The following PRKCQ variants were observed in gnomAD, a reference collection of about 807,000 sequenced individuals.
PRKCQ encodes the protein protein kinase C theta type.
A neutral mutation model predicts 91.2 loss-of-function variants in PRKCQ; 41 were observed. The ratio of observed to expected loss-of-function variants is 0.45; its 90% CI spans 0.35 to 0.58. PRKCQ has a LOEUF of 0.58. Among genes scored for constraint, PRKCQ ranks in the 20% least tolerant of loss-of-function variants. PRKCQ has a pLI of 0.00. For missense variants in PRKCQ, 673 were observed against 896.5 expected, an observed-to-expected ratio of 0.75 and a Z score of 3.18; for synonymous variants, 307 against 316.9, an observed-to-expected ratio of 0.97 and a Z score of 0.33.
At chr10:6,450,195 T>G (rs1377781950) in intron 15 of PRKCQ, among the ~76,000 whole-genome samples, 1 of 150,058 alleles carries the variant, frequency 6.7e-6, no homozygotes, top group African/African-American at 2.5e-5. Flanking sequence ...ACCCATCTCA[T>G]GTGCAGAGAC....
intron 5 of PRKCQ, 112 bp downstream of exon 5, chr10:6,498,284 T>C: frequency 7.4e-7 from 1 of 1,354,080 alleles, no homozygotes; most frequent in Non-Finnish European, 1.0e-6. Context: ...AACGCTGAGG[T>C]AGCATTTACT....
intron 2 of PRKCQ, among the ~76,000 whole-genome samples, chr10:6,512,589 A>G (rs141501595): frequency 3.6e-4 from 55 of 152,358 alleles, no homozygotes; most frequent in African/African-American, 1.3e-3. Context: ...ACATAAGCAC[A>G]TTAAGTGGCA....
intron 15 of PRKCQ, 135 bp from the exon 16 acceptor site, chr10:6,442,216 C>T: frequency 2.3e-6 from 2 of 859,514 alleles, no homozygotes; most frequent in Non-Finnish European, 3.4e-6. Context: ...TGAAACCCAT[C>T]TCTTGGGAAG....
chr10:6,506,626 A>G (rs1838216231), intron 4 of PRKCQ, among the ~76,000 whole-genome samples: 1 of 152,222 alleles, frequency 6.6e-6, no homozygotes, highest in African/African-American at 2.4e-5. Context: ...ATTATTTCAT[A>G]ATATTGTTTT....
At chr10:6,478,704 G>A (rs1836408051) in intron 12 of PRKCQ, among the ~76,000 whole-genome samples, 1 of 152,156 alleles carries the variant, frequency 6.6e-6, no homozygotes, top group Non-Finnish European at 1.5e-5. Flanking sequence ...CCTAAGTCAC[G>A]GACTGCTGAG....
intron 1 of PRKCQ, among the ~76,000 whole-genome samples, chr10:6,544,524 C>G (rs1367406185): frequency 1.3e-5 from 2 of 152,088 alleles, no homozygotes; most frequent in Non-Finnish European, 2.9e-5. Flanking sequence ...TGGGTCTTCA[C>G]TTATTGGTTC....
intron 1 of PRKCQ, among the ~76,000 whole-genome samples, chr10:6,541,852 G>A (rs1029104848): frequency 2.0e-5 from 3 of 152,104 alleles, no homozygotes; most frequent in African/African-American, 7.2e-5. Flanking sequence ...TCCATATGAA[G>A]TAATATCTAC....
At chr10:6,536,237 G>A (rs1035920591) in intron 1 of PRKCQ, among the ~76,000 whole-genome samples, 4 of 152,196 alleles carry the variant, frequency 2.6e-5, no homozygotes, top group African/African-American at 9.7e-5. Context: ...TTCCTTCAAT[G>A]TCCCTTTGCT....
Position 6,443,493 on chromosome 10 carries a change from C to A in PRKCQ, c.1648-1412G>T, listed in dbSNP as rs145156563. 3.9e-5 allele frequency among the ~76,000 whole-genome samples: 6 copies of A among 152,346 alleles called. No homozygotes were observed. The East Asian group carries it at 1.2e-3, about 29-fold the overall frequency. ...TATCAGCCCTGAAAAAGGAGAAAAT[C>A]TCTACTTGCAACAACATGGATGAAC... On this transcript the variant is annotated intron_variant, in intron 15 of 17. Coordinates refer to ENST00000263125, the MANE Select transcript of PRKCQ (RefSeq NM_006257.5).
At chr10:6,515,199 TG>T in intron 1 of PRKCQ, 55 bp from the exon 2 acceptor site, 5 of 1,606,814 alleles carry the variant, frequency 3.1e-6, no homozygotes, top group Non-Finnish European at 4.2e-6. Flanking sequence ...ATATTATTTT[TG>T]GTGCCCCATG....
intron 12 of PRKCQ, among the ~76,000 whole-genome samples, chr10:6,477,546 C>T (rs1489007282): frequency 3.3e-5 from 5 of 152,200 alleles, no homozygotes; most frequent in Admixed American, 3.3e-4. Context: ...CCCTCATTCA[C>T]TCTCCAGTCG....
chr10:6,451,893 C>T (rs7911478), intron 15 of PRKCQ, among the ~76,000 whole-genome samples: 10,945 of 152,234 alleles, frequency 0.072, 743 homozygotes, highest in East Asian at 0.36. Flanking sequence ...ATGCTAAAAA[C>T]TCTCAATAAA....
the PRKCQ span, among the ~76,000 whole-genome samples, chr10:6,395,522 G>A: frequency 1.3e-5 from 2 of 152,152 alleles, no homozygotes; most frequent in African/African-American, 4.8e-5. Context: ...GATCTTAGGA[G>A]CAGCTTAGGG....
intron 1 of PRKCQ, among the ~76,000 whole-genome samples, chr10:6,562,596 A>G (rs1840677119): frequency 6.6e-6 from 1 of 152,182 alleles, no homozygotes; most frequent in South Asian, 2.1e-4. Flanking sequence ...AAGTCTCAAA[A>G]CCCACTTCTC....
rs1351842032 is a variant in PRKCQ at position 6,465,330 on chromosome 10, G to C, written c.1354-926C>G. On this transcript the variant is annotated intron_variant, in intron 12 of 17. Transcript: ENST00000263125. This position sits in a 1 kb window ranked among gnomAD's most constrained non-coding sequence, Gnocchi z 4.4. ...AGTTTATGACGGAGTTCTTCTGGCAGAGGACATGATGTATGTCAGTAGAGC... is the reference window on the plus strand; with the variant it reads ...AGTTTATGACGGAGTTCTTCTGGCACAGGACATGATGTATGTCAGTAGAGC... Among the ~76,000 whole-genome samples the C allele has an allele frequency of 1.3e-5, 2 of 152,146 alleles. No individual in the cohort carries two copies. The highest frequency in any genetic ancestry group is 2.9e-5 in the Non-Finnish European group (2 of 68,042).
At chr10:6,509,776 C>A (rs891601863) in intron 3 of PRKCQ, among the ~76,000 whole-genome samples, 1 of 152,150 alleles carries the variant, frequency 6.6e-6, no homozygotes, top group Non-Finnish European at 1.5e-5. Context: ...ATTACCTGGA[C>A]ATATCTAAGC....
the PRKCQ span, among the ~76,000 whole-genome samples, chr10:6,404,247 A>AGT: frequency 1.8e-5 from 1 of 57,052 alleles, no homozygotes; most frequent in African/African-American, 8.1e-5. Context: ...AAGGGAGAGA[A>AGT]GGGGGGGGGA....
At chr10:6,472,075 G>A (rs1038457976) in intron 12 of PRKCQ, among the ~76,000 whole-genome samples, 30 of 152,168 alleles carry the variant, frequency 2.0e-4, no homozygotes, top group African/African-American at 6.0e-4. Context: ...CTGGGAGGCC[G>A]AGGTGGGTGT....
chr10:6,452,273 A>C (rs1834734319), intron 15 of PRKCQ, among the ~76,000 whole-genome samples: 1 of 152,228 alleles, frequency 6.6e-6, no homozygotes, highest in Non-Finnish European at 1.5e-5. Flanking sequence ...GCATTCTTAG[A>C]CACCAATAAC....
Sources: allele counts gnomAD v4.1 joint callset (sites outside exome capture counted in the v4.1 genomes callset), GRCh38; gene constraint gnomAD v4.1.1; non-coding constraint Gnocchi (gnomAD v3.1); transcripts MANE v1.5; gene names NCBI Gene and HGNC (gene_info 2026-07-23, HGNC 2026-07-21).